The following KCTD21 variants were observed in gnomAD, a reference collection of about 807,000 sequenced individuals.
The protein encoded by KCTD21 is BTB/POZ domain-containing protein KCTD21.
Under a neutral mutation model 13.2 loss-of-function variants are expected in KCTD21, and 9 were observed. The ratio of observed to expected loss-of-function variants is 0.68; its 90% CI spans 0.41 to 1.19. The LOEUF is 1.19. KCTD21 is among the 50% of genes most tolerant of loss of function. KCTD21 has a pLI of 0.01. For synonymous variants in KCTD21, 142 were observed against 137.4 expected, an observed-to-expected ratio of 1.03 and a Z score of -0.23; for missense variants, 303 against 336.5, an observed-to-expected ratio of 0.90 and a Z score of 0.78.
In KCTD21 at chr11:78,188,575, C is replaced by T. The variant is rs1001375840; in HGVS notation, c.-32G>A. 1.1e-5 allele frequency: 11 copies of T among 985,538 alleles called. No homozygotes were observed. Among genetic ancestry groups the T allele is most frequent in the Non-Finnish European group, 1.3e-5 (11 of 830,170 alleles). 61.0% of individuals were successfully genotyped at this position (985,538 alleles called of 1,614,324 possible). On this transcript the variant is annotated splice_region_variant and 5_prime_UTR_variant, in exon 1 of 2. Transcript: ENST00000340067. ...GACCCCGGCCGTGCCGCACCCACCT[C>T]CTGCCCTCGCTCTGCAGCCTCTCCC... is the stretch of plus-strand genomic sequence containing the variant.
Position 78,172,662 on chromosome 11 carries a change from A to C in KCTD21, c.*1110T>G, listed in dbSNP as rs945622189. 5 of 152,358 alleles carry C rather than the reference A, an allele frequency of 3.3e-5. No homozygotes were observed. Among genetic ancestry groups the C allele is most frequent in the African/African-American group, 1.2e-4 (5 of 41,570 alleles). 9.4% of individuals were successfully genotyped at this position (152,358 alleles called of 1,614,324 possible). On this transcript the variant is annotated 3_prime_UTR_variant, in exon 2 of 2. Coordinates refer to ENST00000340067, the MANE Select transcript of KCTD21 (RefSeq NM_001029859.3). ...GTGACTATTTTGAAAGCAAAGATAT[A>C]TAACTGGGTGAATGGGAAGGTCTGC...
chr11:78,178,849 C>T (rs189882231), intron 1 of KCTD21, among the ~76,000 whole-genome samples: 4 of 152,280 alleles, frequency 2.6e-5, no homozygotes, highest in African/African-American at 7.2e-5. Flanking sequence ...AGAGGAAAAA[C>T]GCCATCGCCC....
chr11:78,174,743 A>G, intron 1 of KCTD21, 160 bp from the exon 2 acceptor site: 1 of 552,496 alleles, frequency 1.8e-6, no homozygotes. Context: ...AAAGTACATT[A>G]GCTTCACTAG....
At chr11:78,184,557 G>A (rs746330737) in intron 1 of KCTD21, among the ~76,000 whole-genome samples, 9 of 151,990 alleles carry the variant, frequency 5.9e-5, no homozygotes, top group Non-Finnish European at 1.0e-4. Flanking sequence ...GGCTGGTCTC[G>A]AACTCCTGAC....
chr11:78,176,540 A>T (rs567335794), intron 1 of KCTD21, among the ~76,000 whole-genome samples: 1 of 152,296 alleles, frequency 6.6e-6, no homozygotes, highest in South Asian at 2.1e-4. Context: ...AGATTCAGCA[A>T]TCCTTCCCTG....
intron 1 of KCTD21, 87 bp from the exon 2 acceptor site, chr11:78,174,670 T>G (rs1043865817): frequency 3.2e-6 from 3 of 925,890 alleles, no homozygotes; most frequent in East Asian, 2.6e-5. Flanking sequence ...ACATCAAGCC[T>G]ATGCCCTTGG....
rs1292837695 is a variant in KCTD21 at position 78,176,457 on chromosome 11, CAT to C, written c.-29-1876_-29-1875del. Among the ~76,000 whole-genome samples the C allele has an allele frequency of 4.6e-5, 7 of 152,316 alleles. No homozygotes were observed. In the East Asian group the frequency reaches 1.2e-3, roughly 25 times the overall value. Reference sequence around the variant, plus strand: ...TATGGCTGGCAAGTCTCCTTCACCACATGTTCTAGAAAACAGGAGATCTCAGC... The same window carrying C: ...TATGGCTGGCAAGTCTCCTTCACCACGTTCTAGAAAACAGGAGATCTCAGC... On this transcript the variant is annotated intron_variant, in intron 1 of 1. Transcript: ENST00000340067.
intron 1 of KCTD21, chr11:78,178,131 C>CTTT (rs11453841): frequency 2.8e-5 from 4 of 141,910 alleles, no homozygotes; most frequent in Non-Finnish European, 3.0e-5. Flanking sequence ...CCCTTCTTTT[C>CTTT]TTTTTTTTTT....
intron 1 of KCTD21, chr11:78,188,203 C>A: frequency 1.0e-6 from 1 of 985,252 alleles, no homozygotes; most frequent in East Asian, 1.1e-4. Context: ...GCACCCACTC[C>A]CCAGCCCTAC....
In KCTD21 at chr11:78,173,938, T is replaced by C. The variant is rs1287163275; in HGVS notation, c.617A>G (p.Lys206Arg). ...PEEEYTKQNL[K>R]RLWVVPANKQ... is the part of the protein sequence containing the mutation. ...GTTGGCGGGCACCACCCAGAGCCTC[T>C]TGAGGTTCTGCTTGGTGTACTCCTC... Residue 206 changes from lysine (K) to arginine (R), a missense_variant, in exon 2 of 2, where the codon AAG becomes AGG. Physicochemically the swap from Lys to Arg is conservative, Grantham distance 26 (BLOSUM62 2). Transcript: ENST00000340067. The C allele has an allele frequency of 3.7e-6, 6 of 1,614,134 alleles. No individual in the cohort carries two copies. Among genetic ancestry groups the C allele is most frequent in the Admixed American group, 1.7e-5 (1 of 60,012 alleles).
intron 1 of KCTD21, chr11:78,187,108 C>T (rs975326943): frequency 3.0e-5 from 30 of 985,270 alleles, no homozygotes; most frequent in Middle Eastern, 5.2e-4. Flanking sequence ...GTTTCCACTG[C>T]GTAAGGGAAT....
chr11:78,175,907 C>G (rs1305257445), intron 1 of KCTD21, among the ~76,000 whole-genome samples: 1 of 151,986 alleles, frequency 6.6e-6, no homozygotes, highest in Non-Finnish European at 1.5e-5. Flanking sequence ...CAACAGTCCC[C>G]AGAGTGTGAT....
chr11:78,188,105 C>A, intron 1 of KCTD21: 3 of 985,418 alleles, frequency 3.0e-6, no homozygotes, highest in Non-Finnish European at 3.6e-6. Flanking sequence ...CGGCCCAGGG[C>A]TCTCCAGAGC....
At chr11:78,181,709 G>A (rs1244934123) in intron 1 of KCTD21, among the ~76,000 whole-genome samples, 1 of 152,062 alleles carries the variant, frequency 6.6e-6, no homozygotes, top group Admixed American at 6.6e-5. Context: ...ACTTTGAGAG[G>A]CCGAGGCAGG....
intron 1 of KCTD21, chr11:78,187,088 TG>T: frequency 1.0e-6 from 1 of 985,440 alleles, no homozygotes; most frequent in Non-Finnish European, 1.2e-6. Context: ...TGGGAGTAAA[TG>T]CAAGGAGAGT....
At chr11:78,177,069 AGAG>A (rs1862474405) in intron 1 of KCTD21, 3 of 152,402 alleles carry the variant, frequency 2.0e-5, no homozygotes, top group African/African-American at 7.2e-5. Flanking sequence ...ATGGAGAAAC[AGAG>A]GTCTGAGGAG....
intron 1 of KCTD21, chr11:78,187,563 C>T (rs1862823338): frequency 1.2e-5 from 12 of 985,306 alleles, no homozygotes; most frequent in Non-Finnish European, 1.4e-5. Context: ...TTTCCTTCAC[C>T]TTCTCGGCTC....
intron 1 of KCTD21, among the ~76,000 whole-genome samples, chr11:78,179,181 C>T (rs961298882): frequency 2.6e-5 from 4 of 151,830 alleles, no homozygotes; most frequent in Admixed American, 6.6e-5. Flanking sequence ...GCATTTCATT[C>T]CCCTGCTACT....
At chr11:78,181,228 G>A (rs1035433230) in intron 1 of KCTD21, among the ~76,000 whole-genome samples, 1 of 152,208 alleles carries the variant, frequency 6.6e-6, no homozygotes, top group Non-Finnish European at 1.5e-5. Context: ...ATATGTGAAT[G>A]TTTATGGCAG....
Sources: allele counts gnomAD v4.1 joint callset (sites outside exome capture counted in the v4.1 genomes callset), GRCh38; gene constraint gnomAD v4.1.1; transcripts MANE v1.5; gene names NCBI Gene and HGNC (gene_info 2026-07-23, HGNC 2026-07-21).